KIFAP3: variants seen among roughly 807,000 people sequenced by gnomAD.
KIFAP3 encodes kinesin-associated protein 3.
KIFAP3 carries 68 observed loss-of-function variants against 106.5 expected under a neutral mutation model. That is an observed-to-expected ratio of 0.64 (90% CI 0.53 to 0.78). The LOEUF is 0.78. KIFAP3 is among the 30% of genes least tolerant of loss of function. The pLI is 0.00. For missense variants in KIFAP3, 780 were observed against 941.8 expected, an observed-to-expected ratio of 0.83 and a Z score of 2.25; for synonymous variants, 320 against 311.5, an observed-to-expected ratio of 1.03 and a Z score of -0.29.
At position 169,943,381 on chromosome 1, in the gene KIFAP3, C is replaced by T. The variant is rs1664245957; in HGVS notation, c.2273+10630G>A. ...AAATAGTTAAATTACATTGTTAAAT[C>T]AATCAAGACAACAATAGGCTAGATT... On this transcript the variant is annotated intron_variant, in intron 19 of 19. Coordinates refer to ENST00000361580, the MANE Select transcript of KIFAP3 (RefSeq NM_014970.4). Among the ~76,000 whole-genome samples, 5 of 152,156 alleles carry T rather than the reference C, an allele frequency of 3.3e-5. No individual in the cohort carries two copies. The South Asian group carries it at 1.0e-3, about 32-fold the overall frequency.
intron 10 of KIFAP3, among the ~76,000 whole-genome samples, chr1:170,008,105 T>A (rs966493588): frequency 1.3e-5 from 2 of 151,594 alleles, no homozygotes; most frequent in African/African-American, 4.9e-5. Flanking sequence ...TTACACCTTA[T>A]ACAAATATTA....
intron 16 of KIFAP3, among the ~76,000 whole-genome samples, chr1:169,974,548 A>G (rs2101894966): frequency 6.6e-6 from 1 of 151,980 alleles, no homozygotes; most frequent in African/African-American, 2.4e-5. Context: ...AGGGTTAAAA[A>G]AGATATATTT....
chr1:169,981,932 T>C, intron 15 of KIFAP3, 40 bp downstream of exon 15: 1 of 1,476,066 alleles, frequency 6.8e-7, no homozygotes, highest in Non-Finnish European at 9.3e-7. Flanking sequence ...ATCAATAAGC[T>C]GTTTAGACAT....
At position 170,035,599 on chromosome 1, in the gene KIFAP3, G is replaced by A. The variant is rs372041850; in HGVS notation, c.518-46C>T. On this transcript the variant is annotated intron_variant, in intron 5 of 19. Coordinates refer to ENST00000361580, the MANE Select transcript of KIFAP3 (RefSeq NM_014970.4). ...CCGAAACGATCATTCTCCTTGCTCT[G>A]GTATAAAGGGTGATTGGTTTTAAAT... 19 of 1,164,796 alleles carry A rather than the reference G, an allele frequency of 1.6e-5. No homozygotes were observed. In the East Asian group the frequency reaches 4.1e-4, roughly 25 times the overall value. The allele number at this position is 1,164,796 out of a possible 1,614,324, so 72.2% of individuals were successfully genotyped here.
At chr1:169,936,746 C>G (rs1303748527) in intron 19 of KIFAP3, among the ~76,000 whole-genome samples, 2 of 151,158 alleles carry the variant, frequency 1.3e-5, no homozygotes, top group African/African-American at 4.8e-5. Context: ...ATGCTCTTTA[C>G]AAAAAATGAG....
Position 169,927,799 on chromosome 1 carries a change from T to C in KIFAP3, c.2274-6018A>G, listed in dbSNP as rs778455229. Among the ~76,000 whole-genome samples, 12 of 152,262 alleles carry C rather than the reference T, an allele frequency of 7.9e-5. No individual in the cohort carries two copies. The East Asian group carries it at 1.9e-3, about 24-fold the overall frequency. On this transcript the variant is annotated intron_variant, in intron 19 of 19. Transcript: ENST00000361580. ...TGGTTAAAGTTTTAGATTTATGATA[T>C]AAGCAAATGGCAGGAGATAAGGCTA...
At chr1:170,073,226 T>A (rs1671782776) in intron 1 of KIFAP3, among the ~76,000 whole-genome samples, 1 of 152,186 alleles carries the variant, frequency 6.6e-6, no homozygotes, top group Non-Finnish European at 1.5e-5. Flanking sequence ...AGTGAGGAAA[T>A]AAACACTGAT....
chr1:170,039,998 T>A (rs1182232301), intron 3 of KIFAP3, among the ~76,000 whole-genome samples: 2 of 152,120 alleles, frequency 1.3e-5, no homozygotes, highest in Admixed American at 6.5e-5. Context: ...AAGTAATGTA[T>A]GTAAATTAAA....
intron 19 of KIFAP3, among the ~76,000 whole-genome samples, chr1:169,935,636 C>G (rs1025634445): frequency 2.0e-5 from 3 of 151,912 alleles, no homozygotes; most frequent in African/African-American, 7.2e-5. Flanking sequence ...TATTTAAAAT[C>G]TTTAGCTTAT....
chr1:169,989,979 G>T, intron 11 of KIFAP3: 3 of 1,416,002 alleles, frequency 2.1e-6, no homozygotes, highest in Non-Finnish European at 2.8e-6. Context: ...GAGTCAAGAG[G>T]AATTACCTTC....
chr1:169,983,249 G>A (rs779356739), intron 13 of KIFAP3, 21 bp downstream of exon 13: 1 of 1,430,822 alleles, frequency 7.0e-7, no homozygotes, highest in East Asian at 2.3e-5. Context: ...TATTTGAATA[G>A]AAAGCCAAAA....
intron 10 of KIFAP3, among the ~76,000 whole-genome samples, chr1:170,009,557 C>G (rs570586000): frequency 8.5e-5 from 13 of 152,266 alleles, no homozygotes; most frequent in African/African-American, 3.1e-4. Context: ...CTAAAACCAT[C>G]CTCAAGCATA....
chr1:170,063,476 T>C (rs973015), intron 1 of KIFAP3, among the ~76,000 whole-genome samples: 115,902 of 151,992 alleles, frequency 0.76, 44,638 homozygotes, highest in East Asian at 0.99. Flanking sequence ...TTCCTAGCCC[T>C]CTGCCCTCCA....
intron 2 of KIFAP3, among the ~76,000 whole-genome samples, chr1:170,048,103 G>A (rs545589148): frequency 2.1e-3 from 324 of 152,222 alleles, no homozygotes; most frequent in African/African-American, 7.3e-3. Context: ...GATTTCTCCC[G>A]AAACCATTCC....
At chr1:169,977,523 T>C (rs1375354957) in intron 16 of KIFAP3, among the ~76,000 whole-genome samples, 1 of 152,164 alleles carries the variant, frequency 6.6e-6, no homozygotes, top group African/African-American at 2.4e-5. Flanking sequence ...AGTAACTTTT[T>C]CCAAGGTCCT....
intron 17 of KIFAP3, among the ~76,000 whole-genome samples, chr1:169,967,450 GTTTC>G (rs1314363614): frequency 2.6e-5 from 4 of 151,700 alleles, no homozygotes; most frequent in African/African-American, 7.3e-5. Context: ...GGCAAAGTGA[GTTTC>G]TTTGTGTTTC....
At chr1:170,004,628 T>C (rs1431872491) in intron 10 of KIFAP3, among the ~76,000 whole-genome samples, 1 of 152,106 alleles carries the variant, frequency 6.6e-6, no homozygotes. Flanking sequence ...ATTTAATAAA[T>C]GGTGCTGGGA....
At chr1:169,926,753 C>T (rs192554348) in intron 19 of KIFAP3, among the ~76,000 whole-genome samples, 124 of 152,084 alleles carry the variant, frequency 8.2e-4, no homozygotes, top group African/African-American at 2.8e-3. Context: ...TCTTTTTAGT[C>T]TGAGTCTGTC....
intron 19 of KIFAP3, among the ~76,000 whole-genome samples, chr1:169,922,479 A>G (rs896550400): frequency 6.6e-6 from 1 of 152,238 alleles, no homozygotes; most frequent in African/African-American, 2.4e-5. Flanking sequence ...CCCAAAGATA[A>G]CCTTCAGAGT....
Sources: gnomAD v4.1 joint callset for allele counts (sites outside exome capture counted in the v4.1 genomes callset) on GRCh38, gnomAD v4.1.1 for gene constraint, MANE v1.5 for transcripts, NCBI Gene and HGNC (gene_info 2026-07-23, HGNC 2026-07-21) for gene names.